Variants in PSMB2 observed in about 807,000 individuals in gnomAD.
PSMB2 encodes proteasome 20S subunit beta 2.
In PSMB2, 13 loss-of-function variants were observed where a neutral mutation model predicts 25.7. That is an observed-to-expected ratio of 0.51 (90% CI 0.33 to 0.80). The LOEUF (loss-of-function observed/expected upper bound fraction) is 0.80. PSMB2 is among the 30% of genes least tolerant of loss of function. The pLI is 0.02. For missense variants in PSMB2, 202 were observed against 259.0 expected (o/e 0.78, Z 1.51); for synonymous variants, 87 against 96.2 (o/e 0.90, Z 0.56).
chr1:35,632,737 T>C (rs1225484389), intron 2 of PSMB2, among the ~76,000 whole-genome samples: 4 of 151,736 alleles, frequency 2.6e-5, no homozygotes, highest in Non-Finnish European at 4.4e-5. Flanking sequence ...CTACTAAAAA[T>C]ATAAAAATTA....
chr1:35,630,589 A>C (rs1571139863), intron 3 of PSMB2, among the ~76,000 whole-genome samples: 1 of 152,246 alleles, frequency 6.6e-6, no homozygotes, highest in Non-Finnish European at 1.5e-5. Flanking sequence ...GCCAATCTGA[A>C]AAGGCTGCAT....
rs1202256440 is a variant in PSMB2, at chr1:35,628,631, A to ATATATATT, written c.285+2642_285+2643insAATATATA. On this transcript the variant is annotated intron_variant, in intron 3 of 5. Coordinates refer to ENST00000373237, the MANE Select transcript of PSMB2 (RefSeq NM_002794.5). ...TATATATATATATATATATATATAT[A>ATATATATT]TTTTTTTTTTTTTTTTTAAAGAAAA... Among the ~76,000 whole-genome samples the ATATATATT allele has an allele frequency of 2.6e-4, 10 of 38,084 alleles. 1 individual carries two copies. The highest frequency in any genetic ancestry group is 1.3e-3 in the African/African-American group (10 of 7,806). The allele number at this position is 38,084 out of a possible 152,430, so 25.0% of individuals were successfully genotyped here.
At chr1:35,628,822 CAA>C (rs1440548206) in intron 3 of PSMB2, among the ~76,000 whole-genome samples, 1 of 150,836 alleles carries the variant, frequency 6.6e-6, no homozygotes, top group African/African-American at 2.4e-5. Flanking sequence ...AATTATCAGT[CAA>C]AGATTATTAG....
chr1:35,624,572 G>A (rs1650792464), intron 3 of PSMB2, among the ~76,000 whole-genome samples: 1 of 151,872 alleles, frequency 6.6e-6, no homozygotes, highest in Non-Finnish European at 1.5e-5. Context: ...GGCCAACATG[G>A]TGAAACCCCG....
intron 3 of PSMB2, among the ~76,000 whole-genome samples, chr1:35,620,604 T>C (rs1363930195): frequency 6.7e-6 from 1 of 149,622 alleles, no homozygotes; most frequent in African/African-American, 2.4e-5. Flanking sequence ...CTCGGGTGCC[T>C]GTAGTCCCAG....
At chr1:35,628,842 A>C (rs1650998127) in intron 3 of PSMB2, among the ~76,000 whole-genome samples, 1 of 151,606 alleles carries the variant, frequency 6.6e-6, no homozygotes, top group Non-Finnish European at 1.5e-5. Flanking sequence ...TAGGCACTAG[A>C]AAATAAACTG....
rs1649975781 is a variant in PSMB2, at chr1:35,600,991, T to C, written c.*2276A>G. The C allele has an allele frequency of 1.0e-6, 1 of 984,996 alleles. No individual in the cohort carries two copies. The allele number at this position is 984,996 out of a possible 1,614,324, so 61.0% of individuals were successfully genotyped here. ...TCATTGTACAGATGGGAAAATCATG[T>C]AGCAGGATAGTCTGTGCTTTAGTAG... On this transcript the variant is annotated 3_prime_UTR_variant, in exon 6 of 6. Coordinates refer to ENST00000373237, the MANE Select transcript of PSMB2 (RefSeq NM_002794.5).
chr1:35,624,964 G>A (rs1650809175), intron 3 of PSMB2, among the ~76,000 whole-genome samples: 1 of 151,982 alleles, frequency 6.6e-6, no homozygotes, highest in Admixed American at 6.6e-5. Flanking sequence ...GGGAGGCTGA[G>A]GAAGAAGAAT....
chr1:35,636,772 A>G (rs1651255798), intron 1 of PSMB2, among the ~76,000 whole-genome samples: 1 of 152,226 alleles, frequency 6.6e-6, no homozygotes. Context: ...GTAATATGCA[A>G]ATACTATACC....
intron 3 of PSMB2, among the ~76,000 whole-genome samples, chr1:35,628,596 A>AAAAAAATATATATATATATAT (rs59538661): frequency 8.0e-5 from 2 of 25,108 alleles, no homozygotes; most frequent in Non-Finnish European, 1.5e-4. Flanking sequence ...AAAAAAAAAA[A>AAAAAAATATATATATATATAT]ATATATATAT....
intron 1 of PSMB2, among the ~76,000 whole-genome samples, chr1:35,639,434 T>C (rs574637861): frequency 1.2e-4 from 19 of 152,338 alleles, no homozygotes; most frequent in Admixed American, 1.2e-3. Flanking sequence ...GTTATCTTTC[T>C]TTTATTACTC....
intron 5 of PSMB2, among the ~76,000 whole-genome samples, chr1:35,604,317 G>T (rs1357055851): frequency 6.6e-6 from 1 of 152,062 alleles, no homozygotes; most frequent in Non-Finnish European, 1.5e-5. Context: ...TCCTGTCCTC[G>T]CAAGCCAAAG....
At chr1:35,639,828 C>T (rs1291017667) in intron 1 of PSMB2, among the ~76,000 whole-genome samples, 1 of 152,158 alleles carries the variant, frequency 6.6e-6, no homozygotes, top group African/African-American at 2.4e-5. Flanking sequence ...GAAGGACTGG[C>T]TTACAAACAA....
At chr1:35,609,434 G>T in intron 3 of PSMB2, 26 bp from the exon 4 acceptor site, 1 of 1,464,068 alleles carries the variant, frequency 6.8e-7, no homozygotes, top group South Asian at 1.4e-5. Context: ...ATGGCAAAGT[G>T]ATAACTAAAG....
At chr1:35,628,598 TATATATATA>T (rs1650970565) in intron 3 of PSMB2, among the ~76,000 whole-genome samples, 1 of 23,224 alleles carries the variant, frequency 4.3e-5, no homozygotes, top group African/African-American at 1.3e-4. Flanking sequence ...AAAAAAAAAA[TATATATATA>T]TATATATATA....
intron 1 of PSMB2, among the ~76,000 whole-genome samples, chr1:35,639,329 G>A (rs1345427046): frequency 2.0e-5 from 3 of 152,116 alleles, no homozygotes; most frequent in Non-Finnish European, 4.4e-5. Context: ...TTTTATACCA[G>A]AAAAGACTAT....
At chr1:35,605,454 T>TG (rs529137699) in intron 4 of PSMB2, among the ~76,000 whole-genome samples, 172 bp from the exon 5 acceptor site, 12 of 152,336 alleles carry the variant, frequency 7.9e-5, no homozygotes, top group South Asian at 4.1e-4. Flanking sequence ...CACATGCAGC[T>TG]GGGGGGGCCC....
At chr1:35,627,258 C>CAAAAAAAAAAAAAAAAAAAAAAAAA (rs772688881) in intron 3 of PSMB2, among the ~76,000 whole-genome samples, 1 of 36,446 alleles carries the variant, frequency 2.7e-5, no homozygotes, top group Non-Finnish European at 6.4e-5. Context: ...GACCCTATCT[C>CAAAAAAAAAAAAAAAAAAAAAAAAA]AAAAAAAAAA....
At chr1:35,616,920 T>TA (rs959585780) in intron 3 of PSMB2, among the ~76,000 whole-genome samples, 1 of 152,210 alleles carries the variant, frequency 6.6e-6, no homozygotes, top group Non-Finnish European at 1.5e-5. Context: ...TTCAAACACC[T>TA]AAAAAAATCT....
Sources: allele counts gnomAD v4.1 joint callset (sites outside exome capture counted in the v4.1 genomes callset), GRCh38; gene constraint gnomAD v4.1.1; transcripts MANE v1.5; gene names NCBI Gene and HGNC (gene_info 2026-07-23, HGNC 2026-07-21).